The following CNTNAP5 variants were observed in gnomAD, a reference collection of about 807,000 sequenced individuals.
The protein encoded by CNTNAP5 is contactin-associated protein-like 5.
A neutral mutation model predicts 150.2 loss-of-function variants in CNTNAP5; 72 were observed. The observed-to-expected ratio is 0.48, with a 90% confidence interval of 0.40 to 0.58. The LOEUF is 0.58. CNTNAP5 is among the 20% of genes least tolerant of loss of function. CNTNAP5 has a pLI of 0.00. For synonymous variants in CNTNAP5, 672 were observed against 619.8 expected (o/e 1.08, Z -1.25); for missense variants, 1,636 against 1,626.2 (o/e 1.01, Z -0.10).
intron 19 of CNTNAP5, among the ~76,000 whole-genome samples, chr2:124,818,533 TAA>T (rs1168535794): frequency 6.6e-6 from 1 of 151,780 alleles, no homozygotes; most frequent in East Asian, 1.9e-4. Context: ...ACCTGTCTCT[TAA>T]AAAAAATACA....
chr2:124,894,123 T>C (rs971649570), intron 21 of CNTNAP5, among the ~76,000 whole-genome samples: 6 of 151,908 alleles, frequency 3.9e-5, no homozygotes, highest in African/African-American at 1.5e-4. Context: ...TGACTCCCTT[T>C]CCTTTACCAA....
At chr2:124,123,591 G>A (rs890051521) in intron 1 of CNTNAP5, among the ~76,000 whole-genome samples, 13 of 152,136 alleles carry the variant, frequency 8.5e-5, no homozygotes, top group East Asian at 3.9e-4. Flanking sequence ...ATATGAGAAC[G>A]GACAGAATGC....
At chr2:124,434,416 G>A (rs1573992747) in intron 4 of CNTNAP5, 68 bp from the exon 5 acceptor site, 4 of 1,183,572 alleles carry the variant, frequency 3.4e-6, no homozygotes, top group South Asian at 2.5e-5. Flanking sequence ...GAAATAAGAT[G>A]GGAAACAGTA....
rs570025277 is a variant in CNTNAP5, at chr2:124,350,885, C to T, written c.382-66558C>T. On this transcript the variant is annotated intron_variant, in intron 3 of 23. Coordinates refer to ENST00000682447, the MANE Select transcript of CNTNAP5 (RefSeq NM_001367498.1). ...TAAAGCCTTTTTTTTCGGCATGTTG[C>T]CTCATATTTAAAAAATACAGGCAAG... 2.0e-5 allele frequency among the ~76,000 whole-genome samples: 3 copies of T among 152,012 alleles called. No individual in the cohort carries two copies. The East Asian group carries it at 5.8e-4, about 29-fold the overall frequency.
At chr2:124,031,224 C>A (rs1681040726) in intron 1 of CNTNAP5, among the ~76,000 whole-genome samples, 1 of 151,978 alleles carries the variant, frequency 6.6e-6, no homozygotes, top group South Asian at 2.1e-4. Context: ...ATAGTATTAA[C>A]AATCCTTGTC....
chr2:124,036,252 C>T (rs1681216870), intron 1 of CNTNAP5, among the ~76,000 whole-genome samples: 1 of 152,000 alleles, frequency 6.6e-6, no homozygotes, highest in Non-Finnish European at 1.5e-5. Context: ...ATCTGTGAAC[C>T]GCATATTATC....
At chr2:124,865,521 T>A in intron 20 of CNTNAP5, 85 bp downstream of exon 20, 1 of 1,210,688 alleles carries the variant, frequency 8.3e-7, no homozygotes, top group Non-Finnish European at 1.2e-6. Context: ...CATGCCAGTG[T>A]AGTGCCTAGT....
At chr2:124,606,936 A>G (rs946315108) in intron 11 of CNTNAP5, among the ~76,000 whole-genome samples, 8 of 152,202 alleles carry the variant, frequency 5.3e-5, no homozygotes, top group Non-Finnish European at 1.2e-4. Context: ...AACTCATAAA[A>G]AAAGGAGAGG....
At chr2:124,389,960 C>G (rs1043006722) in intron 3 of CNTNAP5, among the ~76,000 whole-genome samples, 2 of 149,198 alleles carry the variant, frequency 1.3e-5, no homozygotes, top group Non-Finnish European at 3.0e-5. Flanking sequence ...GAGACCACAT[C>G]TCCAAAATAA....
intron 17 of CNTNAP5, among the ~76,000 whole-genome samples, chr2:124,786,398 A>AGAAAGAAAGAAGGAAGGAAG (rs1553442119): frequency 1.8e-4 from 8 of 45,212 alleles, no homozygotes; most frequent in East Asian, 6.8e-4. Context: ...AAAGAAAGAA[A>AGAAAGAAAGAAGGAAGGAAG]GAAGGAAGGA....
At chr2:124,488,153 G>A (rs576178036) in intron 7 of CNTNAP5, among the ~76,000 whole-genome samples, 8 of 151,942 alleles carry the variant, frequency 5.3e-5, no homozygotes, top group Admixed American at 2.0e-4. Context: ...GAAGTCACCC[G>A]CAATTTTATC....
chr2:124,551,491 A>G (rs558329850), intron 10 of CNTNAP5, among the ~76,000 whole-genome samples: 1 of 152,314 alleles, frequency 6.6e-6, no homozygotes, highest in South Asian at 2.1e-4. Flanking sequence ...GTTGGCTGCT[A>G]ATTAAAGCAA....
intron 1 of CNTNAP5, among the ~76,000 whole-genome samples, chr2:124,214,929 T>TG (rs1686116217): frequency 6.6e-6 from 1 of 152,176 alleles, no homozygotes; most frequent in African/African-American, 2.4e-5. Context: ...TAGAAAGCTG[T>TG]ATTTTTGGTC....
intron 12 of CNTNAP5, among the ~76,000 whole-genome samples, chr2:124,616,213 T>G (rs1200765243): frequency 6.6e-6 from 1 of 152,234 alleles, no homozygotes; most frequent in Non-Finnish European, 1.5e-5. Context: ...TCTCTACCTC[T>G]GATAATCTTA....
At chr2:124,062,189 C>T (rs1172709631) in intron 1 of CNTNAP5, among the ~76,000 whole-genome samples, 1 of 152,170 alleles carries the variant, frequency 6.6e-6, no homozygotes, top group Non-Finnish European at 1.5e-5. Flanking sequence ...GTTTATATCA[C>T]AAAACCTTTG....
At chr2:124,030,948 C>T (rs1681031100) in intron 1 of CNTNAP5, among the ~76,000 whole-genome samples, 1 of 152,086 alleles carries the variant, frequency 6.6e-6, no homozygotes, top group Non-Finnish European at 1.5e-5. Context: ...TGTCCTAGCA[C>T]AGGACTGGCC....
intron 19 of CNTNAP5, among the ~76,000 whole-genome samples, chr2:124,807,835 A>G (rs546506885): frequency 8.5e-5 from 13 of 152,192 alleles, no homozygotes; most frequent in African/African-American, 2.9e-4. Context: ...GTAGATCTTC[A>G]TTCAAGAGAG....
chr2:124,791,740 T>A (rs1352769603), intron 18 of CNTNAP5, among the ~76,000 whole-genome samples: 1 of 147,144 alleles, frequency 6.8e-6, no homozygotes, highest in African/African-American at 2.5e-5. Flanking sequence ...CCATTCATAC[T>A]AATTTTCTTC....
chr2:124,434,206 G>A (rs1692466220), intron 4 of CNTNAP5, among the ~76,000 whole-genome samples: 1 of 152,130 alleles, frequency 6.6e-6, no homozygotes, highest in Non-Finnish European at 1.5e-5. Flanking sequence ...TTTTCACCCT[G>A]TCCCCTCCAG....
Sources: allele counts gnomAD v4.1 joint callset (sites outside exome capture counted in the v4.1 genomes callset), GRCh38; gene constraint gnomAD v4.1.1; transcripts MANE v1.5; gene names NCBI Gene and HGNC (gene_info 2026-07-23, HGNC 2026-07-21).